Variants in ARHGAP32 observed in about 807,000 individuals in gnomAD.
ARHGAP32 encodes the protein Rho GTPase activating protein 32, also known as rho GTPase-activating protein 32.
ARHGAP32 carries 51 observed loss-of-function variants against 186.5 expected under a neutral mutation model. That is an observed-to-expected ratio of 0.27 (90% CI 0.22 to 0.35). The LOEUF is 0.35. ARHGAP32 is among the 10% of genes least tolerant of loss of function. ARHGAP32 has a pLI of 1.00. For missense variants in ARHGAP32, 2,186 were observed against 2,623.5 expected (o/e 0.83, Z 3.64); for synonymous variants, 950 against 964.3 (o/e 0.99, Z 0.27).
intron 2 of ARHGAP32, among the ~76,000 whole-genome samples, chr11:129,151,339 C>T (rs1943283113): frequency 6.6e-6 from 1 of 152,072 alleles, no homozygotes. Flanking sequence ...AACAAAGAAA[C>T]AATAGACTTA....
chr11:129,136,655 G>T (rs1203149830), intron 2 of ARHGAP32, among the ~76,000 whole-genome samples: 1 of 152,164 alleles, frequency 6.6e-6, no homozygotes, highest in Non-Finnish European at 1.5e-5. Context: ...TACATCATAA[G>T]TGAATTAAAT....
At chr11:129,244,434 T>C (rs1945060352) in intron 1 of ARHGAP32, among the ~76,000 whole-genome samples, 1 of 152,234 alleles carries the variant, frequency 6.6e-6, no homozygotes, top group African/African-American at 2.4e-5. Context: ...TTCACATTTA[T>C]TTTTTAAACG....
At chr11:129,084,828 G>A (rs1941332652) in intron 6 of ARHGAP32, among the ~76,000 whole-genome samples, 1 of 151,906 alleles carries the variant, frequency 6.6e-6, no homozygotes, top group African/African-American at 2.4e-5. Flanking sequence ...GGAAACCCAA[G>A]GTATACAGAT....
intron 5 of ARHGAP32, among the ~76,000 whole-genome samples, chr11:129,101,851 G>C (rs1444973495): frequency 1.3e-5 from 2 of 152,146 alleles, no homozygotes; most frequent in Non-Finnish European, 2.9e-5. Context: ...AGGAAATGTA[G>C]AGAATTCAAG....
intron 22 of ARHGAP32, chr11:128,971,390 G>A (rs1484476911): frequency 4.2e-6 from 2 of 479,666 alleles, no homozygotes; most frequent in East Asian, 3.2e-5. Flanking sequence ...TCTAATTTAT[G>A]AGAGGTTTTA....
chr11:129,119,263 C>A (rs980371816), intron 5 of ARHGAP32, among the ~76,000 whole-genome samples: 1 of 151,904 alleles, frequency 6.6e-6, no homozygotes, highest in Non-Finnish European at 1.5e-5. Flanking sequence ...CTGGTCATAC[C>A]CATTCTACAC....
At chr11:129,215,840 T>C (rs1944637714) in intron 1 of ARHGAP32, among the ~76,000 whole-genome samples, 1 of 152,190 alleles carries the variant, frequency 6.6e-6, no homozygotes. Context: ...CTATAAGTTA[T>C]AAATGCTACC....
In ARHGAP32 at chr11:128,974,497, C is replaced by A; in HGVS notation, c.2700G>T (p.Lys900Asn). 2 of 1,614,136 alleles carry A rather than the reference C, an allele frequency of 1.2e-6. No homozygotes were observed. Among genetic ancestry groups the A allele is most frequent in the Non-Finnish European group, 1.7e-6 (2 of 1,180,030 alleles). ...KSSKPSSFTE[K>N]VVYAFSPKIG... ...TCTTCGGAGAGAAAGCATAGACGACCTTTTCAGTAAAGGAGGATGGCTTAG... is the reference window on the plus strand; with the variant it reads ...TCTTCGGAGAGAAAGCATAGACGACATTTTCAGTAAAGGAGGATGGCTTAG... The change falls in exon 21 of 23, where the codon AAG becomes AAT. Residue 900 changes from lysine to asparagine, a missense_variant. Transcript: ENST00000682385.
intron 11 of ARHGAP32, among the ~76,000 whole-genome samples, chr11:129,003,403 C>T (rs983215772): frequency 6.6e-6 from 1 of 152,020 alleles, no homozygotes; most frequent in Non-Finnish European, 1.5e-5. Context: ...TTGTAGAATT[C>T]GTTTGGAAGT....
At chr11:128,977,539 A>G (rs1015476094) in intron 19 of ARHGAP32, among the ~76,000 whole-genome samples, 16 of 152,092 alleles carry the variant, frequency 1.1e-4, no homozygotes, top group Admixed American at 6.6e-5. Context: ...ATCTCCTGAA[A>G]TACCATTCTT....
intron 2 of ARHGAP32, among the ~76,000 whole-genome samples, chr11:129,157,158 G>A (rs1213905785): frequency 2.0e-5 from 3 of 152,052 alleles, no homozygotes; most frequent in African/African-American, 7.2e-5. Flanking sequence ...TCCAAAACCA[G>A]AACACCTCTT....
At chr11:129,270,729 T>C (rs1271407534) in intron 1 of ARHGAP32, among the ~76,000 whole-genome samples, 1 of 149,242 alleles carries the variant, frequency 6.7e-6, no homozygotes, top group Non-Finnish European at 1.5e-5. Flanking sequence ...AATAGTCTAC[T>C]TAAAAAAAAA....
chr11:129,167,507 G>T (rs2135494978), intron 1 of ARHGAP32, among the ~76,000 whole-genome samples: 1 of 152,122 alleles, frequency 6.6e-6, no homozygotes, highest in East Asian at 1.9e-4. Flanking sequence ...AATGCACTAG[G>T]TACACATAAT....
rs186708141 is a variant in ARHGAP32 at position 128,974,683 on chromosome 11, G to A, written c.2514C>T (p.Tyr838=). 1.2e-6 allele frequency: 2 copies of A among 1,614,158 alleles called. No individual in the cohort carries two copies. The highest frequency in any genetic ancestry group is 4.5e-5 in the East Asian group (2 of 44,882). ...SGASFLDSPG[Y]SKDKPSANKK... is the part of the protein sequence containing the mutation. ...TATTGGCACTTGGTTTATCCTTGGA[G>A]TATCCTGGTGAATCTAAAAAGGAAG... Residue 838 remains tyrosine (Y), a synonymous_variant, in exon 21 of 23, where the codon TAC becomes TAT. Coordinates refer to ENST00000682385, the MANE Select transcript of ARHGAP32 (RefSeq NM_001378024.1).
intron 7 of ARHGAP32, among the ~76,000 whole-genome samples, chr11:129,065,147 T>A (rs982297431): frequency 6.6e-6 from 1 of 152,142 alleles, no homozygotes; most frequent in Non-Finnish European, 1.5e-5. Flanking sequence ...TAGCCCCTTA[T>A]CATCAGCGAT....
intron 1 of ARHGAP32, among the ~76,000 whole-genome samples, chr11:129,203,432 T>C (rs547378721): frequency 6.6e-6 from 1 of 152,320 alleles, no homozygotes; most frequent in African/African-American, 2.4e-5. Context: ...GTCATCTTTT[T>C]AAATGAACAC....
At chr11:129,258,585 C>T (rs930132058) in intron 1 of ARHGAP32, among the ~76,000 whole-genome samples, 1 of 152,156 alleles carries the variant, frequency 6.6e-6, no homozygotes, top group Non-Finnish European at 1.5e-5. Flanking sequence ...CACTAAGGAA[C>T]TAGCCTCCCA....
rs745938491 is a variant in ARHGAP32 at position 128,970,978 on chromosome 11, C to A, written c.4235G>T (p.Arg1412Leu). The A allele has an allele frequency of 6.2e-7, 1 of 1,613,718 alleles. No individual in the cohort carries two copies. The highest frequency in any genetic ancestry group is 8.5e-7 in the Non-Finnish European group (1 of 1,180,006). The change falls in exon 23 of 23, where the codon CGC becomes CTC. Residue 1412 changes from arginine to leucine, a missense_variant. By Grantham distance (102) the Arg-to-Leu change is moderately radical. This residue lies in a region of ARHGAP32 where 1,502 missense variants were observed against 1,570.0 expected (regional missense o/e 0.96). Coordinates refer to ENST00000682385, the MANE Select transcript of ARHGAP32 (RefSeq NM_001378024.1). The surrounding 1 kb of genome is among the most constrained non-coding windows in gnomAD (Gnocchi z 5.8). Reference protein sequence around the residue: ...DGARVPLLHLRAESVPAHPCG... With the variant: ...DGARVPLLHLLAESVPAHPCG... ...GGGATGCGCAGGGACAGACTCGGCGCGCAGGTGCAGCAGCGGGACCCGGGC... is the reference window on the plus strand; with the variant it reads ...GGGATGCGCAGGGACAGACTCGGCGAGCAGGTGCAGCAGCGGGACCCGGGC...
At chr11:129,039,119 TG>T (rs568486639) in intron 11 of ARHGAP32, among the ~76,000 whole-genome samples, 2 of 152,162 alleles carry the variant, frequency 1.3e-5, no homozygotes, top group Non-Finnish European at 2.9e-5. Flanking sequence ...ATGGAGCAAC[TG>T]GAAGTCTCAT....
Sources: allele counts gnomAD v4.1 joint callset (sites outside exome capture counted in the v4.1 genomes callset), GRCh38; gene constraint gnomAD v4.1.1; regional missense constraint gnomAD v4.1.1; non-coding constraint Gnocchi (gnomAD v3.1); transcripts MANE v1.5; gene names NCBI Gene and HGNC (gene_info 2026-07-23, HGNC 2026-07-21).